PPP2R2B: variants seen among roughly 807,000 people sequenced by gnomAD.
PPP2R2B encodes protein phosphatase 2 regulatory subunit Bbeta.
Under a neutral mutation model 46.0 loss-of-function variants are expected in PPP2R2B, and 5 were observed. The observed-to-expected ratio is 0.11, with a 90% confidence interval of 0.06 to 0.23. PPP2R2B has a LOEUF of 0.23. Ranked by LOEUF, PPP2R2B falls within the 10% of genes least tolerant of loss-of-function variation. PPP2R2B has a pLI of 1.00. For missense variants in PPP2R2B, 367 were observed against 575.0 expected, an observed-to-expected ratio of 0.64 and a Z score of 3.70; for synonymous variants, 215 against 206.7, an observed-to-expected ratio of 1.04 and a Z score of -0.34.
upstream of PPP2R2B, among the ~76,000 whole-genome samples, chr5:147,060,629 C>A (rs1757228908): frequency 6.6e-6 from 1 of 151,854 alleles, no homozygotes; most frequent in South Asian, 2.1e-4. Context: ...GAGAGTCTGT[C>A]TTAAAAAAAA....
intron 2 of PPP2R2B, chr5:146,856,574 C>T (rs778377323): frequency 6.2e-7 from 1 of 1,611,972 alleles, no homozygotes; most frequent in Non-Finnish European, 8.5e-7. Context: ...CTTGGGTTCT[C>T]CCTTGGCTCC....
chr5:146,885,654 C>G (rs1288577692), intron 1 of PPP2R2B, among the ~76,000 whole-genome samples: 1 of 152,076 alleles, frequency 6.6e-6, no homozygotes, highest in Non-Finnish European at 1.5e-5. Context: ...GTGTTCCCAC[C>G]AAAACTTGAA....
At chr5:146,954,198 T>C (rs1038419120) in intron 1 of PPP2R2B, among the ~76,000 whole-genome samples, 1 of 151,632 alleles carries the variant, frequency 6.6e-6, no homozygotes, top group Middle Eastern at 3.4e-3. Flanking sequence ...ACCTCACTCC[T>C]GGAAGGTGTT....
chr5:147,062,046 C>T (rs1757274872), intron 2 of PPP2R2B, among the ~76,000 whole-genome samples: 1 of 152,202 alleles, frequency 6.6e-6, no homozygotes, highest in South Asian at 2.1e-4. Context: ...GCCATAATGA[C>T]ATTTCAGTCA....
intron 1 of PPP2R2B, among the ~76,000 whole-genome samples, chr5:146,944,866 G>A (rs1764430449): frequency 6.6e-6 from 1 of 152,120 alleles, no homozygotes; most frequent in Non-Finnish European, 1.5e-5. Context: ...TGGTCTCTCA[G>A]AGGAGTCTAA....
chr5:146,628,059 C>T (rs2151066309), intron 7 of PPP2R2B, among the ~76,000 whole-genome samples: 1 of 152,192 alleles, frequency 6.6e-6, no homozygotes, highest in South Asian at 2.1e-4. Flanking sequence ...ATTCTCCTGC[C>T]TCAGCCTCCT....
At chr5:146,938,517 A>G (rs950291422) in intron 1 of PPP2R2B, among the ~76,000 whole-genome samples, 1 of 152,194 alleles carries the variant, frequency 6.6e-6, no homozygotes, top group African/African-American at 2.4e-5. Flanking sequence ...AGTTAAAGAA[A>G]TACTAATTTA....
chr5:146,780,705 C>G (rs1755457674), intron 2 of PPP2R2B, among the ~76,000 whole-genome samples: 2 of 152,172 alleles, frequency 1.3e-5, no homozygotes, highest in Admixed American at 6.5e-5. Context: ...GTGCTGTTTG[C>G]TGTTGGTGAC....
chr5:146,745,484 G>A (rs529921085), intron 2 of PPP2R2B, among the ~76,000 whole-genome samples: 1 of 152,334 alleles, frequency 6.6e-6, no homozygotes, highest in South Asian at 2.1e-4. Flanking sequence ...ACGAATGTTA[G>A]TTATTGTCAT....
intron 1 of PPP2R2B, among the ~76,000 whole-genome samples, chr5:146,950,186 G>T (rs1764608569): frequency 6.6e-6 from 1 of 151,960 alleles, no homozygotes; most frequent in Non-Finnish European, 1.5e-5. Flanking sequence ...ATCCCGATGT[G>T]ATTATTATGC....
chr5:146,759,917 A>T (rs1174544090), intron 2 of PPP2R2B, among the ~76,000 whole-genome samples: 1 of 152,164 alleles, frequency 6.6e-6, no homozygotes, highest in Non-Finnish European at 1.5e-5. Flanking sequence ...CAGTTATATG[A>T]TGTGCCAATA....
intron 2 of PPP2R2B, among the ~76,000 whole-genome samples, chr5:146,714,862 T>G (rs1780404670): frequency 6.6e-6 from 1 of 152,124 alleles, no homozygotes; most frequent in Admixed American, 6.6e-5. Context: ...CACCTCTTCT[T>G]TCTTTTCTGC....
At chr5:146,591,807 C>G (rs1770691926) in intron 9 of PPP2R2B, among the ~76,000 whole-genome samples, 1 of 151,930 alleles carries the variant, frequency 6.6e-6, no homozygotes, top group South Asian at 2.1e-4. Flanking sequence ...CTACTTACTA[C>G]TTTATGAGGT....
At chr5:147,056,575 C>T (rs539341128), upstream of PPP2R2B, among the ~76,000 whole-genome samples, 1 of 152,292 alleles carries the variant, frequency 6.6e-6, no homozygotes, top group South Asian at 2.1e-4. Context: ...CTTCATCAAT[C>T]TGTGAACCCT....
At chr5:147,037,168 T>A (rs80075130) in intron 1 of PPP2R2B, among the ~76,000 whole-genome samples, 10 of 140,674 alleles carry the variant, frequency 7.1e-5, no homozygotes, top group East Asian at 6.3e-4. Flanking sequence ...GGAAAAAAAA[T>A]TATTTTTGCC....
intron 1 of PPP2R2B, among the ~76,000 whole-genome samples, chr5:146,889,927 G>A (rs1270267859): frequency 1.4e-4 from 22 of 152,174 alleles, no homozygotes; most frequent in Admixed American, 1.4e-3. Flanking sequence ...TCATTTTGCT[G>A]ATGATGAAAG....
intron 1 of PPP2R2B, among the ~76,000 whole-genome samples, chr5:147,006,258 T>C (rs1323390885): frequency 6.6e-6 from 1 of 152,118 alleles, no homozygotes; most frequent in Non-Finnish European, 1.5e-5. Flanking sequence ...GTGGGAGTTG[T>C]TTGCATTCAG....
intron 1 of PPP2R2B, among the ~76,000 whole-genome samples, chr5:146,967,459 A>G (rs1752474851): frequency 6.6e-6 from 1 of 152,232 alleles, no homozygotes; most frequent in Non-Finnish European, 1.5e-5. Context: ...TTTATAAATG[A>G]GGACACTGAG....
In PPP2R2B at chr5:146,638,273, G is replaced by T. The variant is rs527428138; in HGVS notation, c.768C>A (p.Ala256=). 3.7e-6 allele frequency: 6 copies of T among 1,613,910 alleles called. No homozygotes were observed. The highest frequency in any genetic ancestry group is 1.3e-5 in the African/African-American group (1 of 75,030). ...TIRLCDMRAS[A]LCDRHTKFFE... ...CACATTTGGTGTGCCTGTCACACAG[G>T]GCAGATGCCCGCATGTCACACAGCC... The change falls in exon 7 of 10, where the codon GCC becomes GCA. Residue 256 remains alanine (A), a synonymous_variant. Coordinates refer to ENST00000394411, the MANE Select transcript of PPP2R2B (RefSeq NM_181675.4).
Sources: gnomAD v4.1 joint callset for allele counts (sites outside exome capture counted in the v4.1 genomes callset) on GRCh38, gnomAD v4.1.1 for gene constraint, MANE v1.5 for transcripts, NCBI Gene and HGNC (gene_info 2026-07-23, HGNC 2026-07-21) for gene names.